Variants in MCTP2 observed in about 807,000 individuals in gnomAD.
The protein encoded by MCTP2 is multiple C2 and transmembrane domain containing 2.
Under a neutral mutation model 111.6 loss-of-function variants are expected in MCTP2, and 132 were observed. The observed-to-expected ratio is 1.18, with a 90% CI of 1.03 to 1.37. The LOEUF is 1.37. MCTP2 is among the 40% of genes most tolerant of loss of function. The pLI, the probability that MCTP2 is intolerant of heterozygous loss-of-function variation, is 0.00. For missense variants in MCTP2, 1,183 were observed against 1,067.9 expected, an observed-to-expected ratio of 1.11 and a Z score of -1.50; for synonymous variants, 395 against 387.7, an observed-to-expected ratio of 1.02 and a Z score of -0.22.
intron 4 of MCTP2, among the ~76,000 whole-genome samples, chr15:94,317,988 T>TAA (rs2076450205): frequency 6.6e-6 from 1 of 152,196 alleles, no homozygotes; most frequent in Admixed American, 6.5e-5. Context: ...GTGTTCTTTT[T>TAA]AATGGCTTGG....
chr15:94,397,120 T>A (rs1258575792), intron 14 of MCTP2, among the ~76,000 whole-genome samples: 1 of 152,198 alleles, frequency 6.6e-6, no homozygotes, highest in African/African-American at 2.4e-5. Flanking sequence ...TTACAGTTTT[T>A]AAACTTATAT....
At chr15:94,379,653 G>C (rs1306439366) in intron 12 of MCTP2, among the ~76,000 whole-genome samples, 1 of 150,002 alleles carries the variant, frequency 6.7e-6, no homozygotes, top group African/African-American at 2.4e-5. Context: ...TACATTACCT[G>C]ATTATCGCTA....
At chr15:94,369,854 C>T (rs963196688) in intron 11 of MCTP2, among the ~76,000 whole-genome samples, 1 of 152,150 alleles carries the variant, frequency 6.6e-6, no homozygotes, top group African/African-American at 2.4e-5. Context: ...CGATGTGCTT[C>T]TAATTGGTTT....
chr15:94,339,468 TA>T lies in MCTP2; in HGVS notation c.780+41del, dbSNP rs778008080. On this transcript the variant is annotated intron_variant, in intron 5 of 22. Transcript: ENST00000357742. ...ATAGCTTTCAAATCTGCTCCTTTAT[TA>T]AAAACATTTCTCAGCAGTTTCTCAT... 4.6e-6 allele frequency: 7 copies of T among 1,529,236 alleles called. No homozygotes were observed. The South Asian group carries it at 7.8e-5, about 17-fold the overall frequency. The allele number at this position is 1,529,236 out of a possible 1,614,324, so 94.7% of individuals were successfully genotyped here.
intron 4 of MCTP2, among the ~76,000 whole-genome samples, chr15:94,335,169 T>C (rs544122636): frequency 6.6e-6 from 1 of 152,324 alleles, no homozygotes; most frequent in Non-Finnish European, 1.5e-5. Flanking sequence ...TGCTGTCAGA[T>C]TTATATTTCT....
At chr15:94,354,024 CAATAATAAT>C (rs1436096049) in intron 8 of MCTP2, among the ~76,000 whole-genome samples, 1 of 145,560 alleles carries the variant, frequency 6.9e-6, no homozygotes, top group Non-Finnish European at 1.5e-5. Flanking sequence ...ATAATAATAA[CAATAATAAT>C]AATCATATAT....
chr15:94,243,827 A>C (rs1401454544), intron 1 of MCTP2, among the ~76,000 whole-genome samples: 1 of 145,088 alleles, frequency 6.9e-6, no homozygotes, highest in Non-Finnish European at 1.5e-5. Context: ...GTATACACAT[A>C]TGTATATATT....
intron 17 of MCTP2, chr15:94,403,202 TGTCTGAA>T: frequency 1.0e-6 from 1 of 985,474 alleles, no homozygotes; most frequent in Non-Finnish European, 1.2e-6. Flanking sequence ...CTTTTTCTGC[TGTCTGAA>T]GTTGCTAAAA....
intron 17 of MCTP2, among the ~76,000 whole-genome samples, chr15:94,411,751 CAA>C (rs548142646): frequency 6.7e-6 from 1 of 150,066 alleles, no homozygotes; most frequent in African/African-American, 2.5e-5. Flanking sequence ...CTCACGTATA[CAA>C]AAAAAAAGAT....
At chr15:94,366,242 T>G (rs546446387) in intron 10 of MCTP2, among the ~76,000 whole-genome samples, 1 of 152,350 alleles carries the variant, frequency 6.6e-6, no homozygotes, top group African/African-American at 2.4e-5. Context: ...AAATACTTTT[T>G]TTGTAATTTG....
intron 12 of MCTP2, among the ~76,000 whole-genome samples, chr15:94,379,523 T>C (rs1454104265): frequency 6.6e-6 from 1 of 151,880 alleles, no homozygotes; most frequent in Non-Finnish European, 1.5e-5. Context: ...TTCTTCCAAC[T>C]CTACCCCTTG....
chr15:94,413,567 T>TGA (rs1329262038), intron 17 of MCTP2, among the ~76,000 whole-genome samples: 1 of 77,352 alleles, frequency 1.3e-5, no homozygotes, highest in Non-Finnish European at 2.3e-5. Flanking sequence ...GGCATGACGC[T>TGA]GAGTGTGTGT....
At chr15:94,370,241 C>T (rs936174765) in intron 12 of MCTP2, 61 bp downstream of exon 12, 2 of 1,348,982 alleles carry the variant, frequency 1.5e-6, no homozygotes, top group East Asian at 4.8e-5. Context: ...AAACAATCTC[C>T]TGGCAAAGCA....
chr15:94,334,008 A>G (rs2077244058), intron 4 of MCTP2, among the ~76,000 whole-genome samples: 1 of 152,238 alleles, frequency 6.6e-6, no homozygotes, highest in South Asian at 2.1e-4. Flanking sequence ...TACTATAGAA[A>G]CAAATTAGTG....
chr15:94,271,119 T>C (rs1254504614), intron 1 of MCTP2, among the ~76,000 whole-genome samples: 1 of 152,208 alleles, frequency 6.6e-6, no homozygotes, highest in African/African-American at 2.4e-5. Context: ...TTTGTGTGTA[T>C]GTATGTGAGA....
chr15:94,334,990 T>A (rs2077288925), intron 4 of MCTP2, among the ~76,000 whole-genome samples: 1 of 152,206 alleles, frequency 6.6e-6, no homozygotes, highest in Non-Finnish European at 1.5e-5. Flanking sequence ...GCCCCTCCCA[T>A]GAAGTTCTAT....
chr15:94,315,677 C>A, intron 4 of MCTP2, 40 bp downstream of exon 4: 2 of 1,404,152 alleles, frequency 1.4e-6, no homozygotes, highest in South Asian at 1.2e-5. Flanking sequence ...AGCCTGGAAA[C>A]TTCTTTCTCT....
At chr15:94,323,742 A>G (rs1347700383) in intron 4 of MCTP2, among the ~76,000 whole-genome samples, 1 of 152,144 alleles carries the variant, frequency 6.6e-6, no homozygotes, top group African/African-American at 2.4e-5. Context: ...CACCTTCGTT[A>G]GCAATCCGCA....
At position 94,454,464 on chromosome 15, in the gene MCTP2, T is replaced by C. The variant is rs557888464; in HGVS notation, c.2251-3673T>C. Among the ~76,000 whole-genome samples the C allele has an allele frequency of 4.5e-4, 69 of 152,298 alleles. 1 individual carries two copies. Among genetic ancestry groups the C allele is most frequent in the African/African-American group, 1.7e-3 (69 of 41,568 alleles). ...TATCAACAAGGTTGTGTGATAAAGATCCATCACATATAAAAATAAACATCA... is the reference window on the plus strand; with the variant it reads ...TATCAACAAGGTTGTGTGATAAAGACCCATCACATATAAAAATAAACATCA... On this transcript the variant is annotated intron_variant, in intron 19 of 22. Coordinates refer to ENST00000357742, the MANE Select transcript of MCTP2 (RefSeq NM_001385001.1).
Sources: allele counts gnomAD v4.1 joint callset (sites outside exome capture counted in the v4.1 genomes callset), GRCh38; gene constraint gnomAD v4.1.1; transcripts MANE v1.5; gene names NCBI Gene and HGNC (gene_info 2026-07-23, HGNC 2026-07-21).